INTS6: variants seen among roughly 807,000 people sequenced by gnomAD.
INTS6 encodes integrator complex subunit 6, also known as DEAD box protein.
INTS6 carries 16 observed loss-of-function variants against 104.9 expected under a neutral mutation model. The observed-to-expected ratio is 0.15, with a 90% CI of 0.10 to 0.23. The LOEUF (loss-of-function observed/expected upper bound fraction) is 0.23. INTS6 is among the 10% of genes least tolerant of loss of function. The pLI is 1.00. For missense variants in INTS6, 584 were observed against 1,062.8 expected (o/e 0.55, Z 6.26); for synonymous variants, 324 against 358.7 (o/e 0.90, Z 1.09).
chr13:51,348,848 G>GTCCCCCCATGACCCC, the INTS6 span, among the ~76,000 whole-genome samples: 11 of 150,434 alleles, frequency 7.3e-5, no homozygotes, highest in East Asian at 1.9e-4. Context: ...ACGTAATTGA[G>GTCCCCCCATGACCCC]CAAGTACAGA....
At chr13:51,374,564 T>C in intron 14 of INTS6, 90 bp downstream of exon 14, 6 of 1,537,814 alleles carry the variant, frequency 3.9e-6, no homozygotes, top group South Asian at 1.2e-5. Context: ...ACCAGGAAAA[T>C]AGCTTCAGCT....
At chr13:51,340,570 T>C in the INTS6 span, among the ~76,000 whole-genome samples, 1 of 152,184 alleles carries the variant, frequency 6.6e-6, no homozygotes, top group African/African-American at 2.4e-5. Context: ...AATCATCCTC[T>C]TTATAGATGA....
chr13:51,435,055 AT>A (rs1452129856), intron 3 of INTS6, among the ~76,000 whole-genome samples: 2 of 152,000 alleles, frequency 1.3e-5, no homozygotes, highest in African/African-American at 2.4e-5. Context: ...TTGGGAGACA[AT>A]CCTTTAGAAG....
intron 4 of INTS6, among the ~76,000 whole-genome samples, chr13:51,422,339 T>C (rs1464229845): frequency 6.6e-6 from 1 of 152,090 alleles, no homozygotes; most frequent in Non-Finnish European, 1.5e-5. Flanking sequence ...AAGCTATGGA[T>C]CTCTTTACCC....
In INTS6 at chr13:51,444,877, G is replaced by T. The variant is rs149116282; in HGVS notation, c.339+6148C>A. On this transcript the variant is annotated intron_variant, in intron 3 of 17. Coordinates refer to ENST00000311234, the MANE Select transcript of INTS6 (RefSeq NM_012141.3). ...CAGTTTTAGAGTATAAAATTCTGAA[G>T]AAATATTTTGCAAATGTTTTAAAAG... is the stretch of plus-strand genomic sequence containing the variant. The T allele has an allele frequency of 6.9e-5, 10 of 145,724 alleles. No homozygotes were observed. In the Admixed American group the frequency reaches 7.0e-4, roughly 10 times the overall value. The allele number at this position is 145,724 out of a possible 1,614,324, so 9.0% of individuals were successfully genotyped here.
chr13:51,369,692 T>C (rs1362678609), intron 15 of INTS6, among the ~76,000 whole-genome samples: 1 of 152,198 alleles, frequency 6.6e-6, no homozygotes. Context: ...CTCACACATA[T>C]GCCTTATACA....
chr13:51,361,670 G>A lies in INTS6; in HGVS notation c.*4082C>T. On this transcript the variant is annotated 3_prime_UTR_variant, in exon 18 of 18. Coordinates refer to ENST00000311234, the MANE Select transcript of INTS6 (RefSeq NM_012141.3). ...TCTTTTCTCTTTAATTTTCCCATCT[G>A]CACCCCCATCACAACAGTAAACAAT... 1 of 713,746 alleles carries A rather than the reference G, an allele frequency of 1.4e-6. No homozygotes were observed. The highest frequency in any genetic ancestry group is 2.1e-5 in the South Asian group (1 of 47,886). The allele number at this position is 713,746 out of a possible 1,614,324, so 44.2% of individuals were successfully genotyped here.
intron 4 of INTS6, among the ~76,000 whole-genome samples, chr13:51,425,797 A>C (rs1593748069): frequency 6.6e-6 from 1 of 152,124 alleles, no homozygotes; most frequent in Non-Finnish European, 1.5e-5. Flanking sequence ...TATCAGTTAT[A>C]TAACATGACA....
intron 4 of INTS6, among the ~76,000 whole-genome samples, chr13:51,427,146 T>TA (rs1956999114): frequency 6.6e-6 from 1 of 152,072 alleles, no homozygotes; most frequent in South Asian, 2.1e-4. Context: ...AAGGATATCA[T>TA]ACAGGTGGAA....
At chr13:51,343,212 A>G in the INTS6 span, among the ~76,000 whole-genome samples, 1 of 152,188 alleles carries the variant, frequency 6.6e-6, no homozygotes, top group Non-Finnish European at 1.5e-5. Context: ...GTGGAGGAAA[A>G]GATACCCAGC....
chr13:51,339,926 TAGAA>T, the INTS6 span, among the ~76,000 whole-genome samples: 4 of 151,148 alleles, frequency 2.6e-5, no homozygotes, highest in African/African-American at 9.8e-5. Context: ...CACACACACA[TAGAA>T]AGAAAGAGAG....
At chr13:51,339,078 AATTAGTC>A in the INTS6 span, among the ~76,000 whole-genome samples, 2 of 152,220 alleles carry the variant, frequency 1.3e-5, no homozygotes, top group Admixed American at 6.5e-5. Context: ...CTCTTTCTCA[AATTAGTC>A]ATTGGACTTA....
intron 5 of INTS6, among the ~76,000 whole-genome samples, chr13:51,390,841 T>C (rs983169878): frequency 6.6e-6 from 1 of 152,080 alleles, no homozygotes; most frequent in Admixed American, 6.6e-5. Context: ...TGCCTGGCAC[T>C]GTTCCAATCA....
intron 3 of INTS6, among the ~76,000 whole-genome samples, chr13:51,433,849 A>G (rs1957139992): frequency 6.6e-6 from 1 of 152,262 alleles, no homozygotes; most frequent in Non-Finnish European, 1.5e-5. Context: ...TAATAACAAT[A>G]ACATTACTGC....
At chr13:51,379,687 T>A in intron 10 of INTS6, 115 bp from the exon 11 acceptor site, 1 of 507,286 alleles carries the variant, frequency 2.0e-6, no homozygotes, top group Non-Finnish European at 3.5e-6. Flanking sequence ...TTTTCCTCAA[T>A]AAGGAAGTAA....
chr13:51,442,496 G>C (rs1465392831), intron 3 of INTS6: 1 of 152,212 alleles, frequency 6.6e-6, no homozygotes, highest in African/African-American at 2.4e-5. Context: ...TGGGTTCTCA[G>C]TAAACTTTTA....
the INTS6 span, chr13:51,347,328 G>T: frequency 9.2e-7 from 1 of 1,087,100 alleles, no homozygotes; most frequent in Non-Finnish European, 1.4e-6. Context: ...CTAAGGGATC[G>T]GGATGTGTTT....
the INTS6 span, among the ~76,000 whole-genome samples, chr13:51,338,998 C>T: frequency 6.6e-6 from 1 of 152,196 alleles, no homozygotes; most frequent in Non-Finnish European, 1.5e-5. Context: ...GAATTGATCA[C>T]AAGGACAGAC....
chr13:51,449,208 T>C (rs1457148014), intron 3 of INTS6: 3 of 152,306 alleles, frequency 2.0e-5, no homozygotes, highest in African/African-American at 7.2e-5. Context: ...TTTGCAATCT[T>C]TGCTGATTCA....
Sources: allele counts gnomAD v4.1 joint callset (sites outside exome capture counted in the v4.1 genomes callset), GRCh38; gene constraint gnomAD v4.1.1; transcripts MANE v1.5; gene names NCBI Gene and HGNC (gene_info 2026-07-23, HGNC 2026-07-21).